TUSC3: variants seen among roughly 807,000 people sequenced by gnomAD.
TUSC3 encodes dolichyl-diphosphooligosaccharide--protein glycosyltransferase subunit TUSC3.
A neutral mutation model predicts 44.8 loss-of-function variants in TUSC3; 45 were observed. That is an observed-to-expected ratio of 1.00 (90% confidence interval 0.79 to 1.29). The LOEUF (loss-of-function observed/expected upper bound fraction) is 1.29. Among genes scored for constraint, TUSC3 ranks in the 50% most tolerant of loss-of-function variants. The pLI, the probability that TUSC3 is intolerant of heterozygous loss-of-function variation, is 0.00. For missense variants in TUSC3, 519 were observed against 437.9 expected (o/e 1.19, Z -1.65); for synonymous variants, 212 against 152.9 (o/e 1.39, Z -2.85).
At chr8:15,825,624 A>G in the TUSC3 span, among the ~76,000 whole-genome samples, 16 of 152,162 alleles carry the variant, frequency 1.1e-4, no homozygotes, top group African/African-American at 2.9e-4. Context: ...TATTAAAGAC[A>G]CTGCTCTTAT....
chr8:15,761,269 G>T (rs1311566721), intron 10 of TUSC3, among the ~76,000 whole-genome samples: 1 of 152,162 alleles, frequency 6.6e-6, no homozygotes, highest in East Asian at 1.9e-4. Context: ...TACCATGAGG[G>T]AGTGCTGAGG....
the TUSC3 span, among the ~76,000 whole-genome samples, chr8:15,808,188 ATCTT>A: frequency 1.3e-5 from 2 of 152,246 alleles, no homozygotes; most frequent in African/African-American, 4.8e-5. Context: ...ATTACCTGCA[ATCTT>A]TAAGCAAACT....
intron 2 of TUSC3, among the ~76,000 whole-genome samples, chr8:15,636,044 G>A (rs1806059119): frequency 6.6e-6 from 1 of 152,206 alleles, no homozygotes; most frequent in African/African-American, 2.4e-5. Flanking sequence ...AGTGGCAACA[G>A]TCAGTACAAA....
intron 6 of TUSC3, among the ~76,000 whole-genome samples, chr8:15,689,863 T>TGTGTGTGTGTGTGTGTGTAA (rs1554475557): frequency 6.8e-5 from 1 of 14,784 alleles, no homozygotes; most frequent in African/African-American, 1.1e-4. Context: ...TGTGTGTGTG[T>TGTGTGTGTGTGTGTGTGTAA]ATAAATATAT....
In TUSC3 at chr8:15,713,410, CAAT is replaced by C. The variant is rs144165161; in HGVS notation, c.799-17253_799-17251del. On this transcript the variant is annotated intron_variant, in intron 6 of 10. Coordinates refer to ENST00000503731, the MANE Select transcript of TUSC3 (RefSeq NM_006765.4). ...CTGTCATTGTTCAAAAGAAAGCTGA[CAAT>C]AAACATAAGGCATTAGTGGCATCGA... 2.6e-3 allele frequency among the ~76,000 whole-genome samples: 394 copies of C among 152,116 alleles called. 5 individuals are homozygous for C. Among genetic ancestry groups the C allele is most frequent in the African/African-American group, 9.2e-3 (380 of 41,498 alleles).
At chr8:15,841,648 G>T in the TUSC3 span, among the ~76,000 whole-genome samples, 1 of 152,000 alleles carries the variant, frequency 6.6e-6, no homozygotes, top group Admixed American at 6.6e-5. Flanking sequence ...TGAGTAGCTA[G>T]GATTACAGGC....
At chr8:15,646,915 TC>T (rs1438531342) in intron 2 of TUSC3, among the ~76,000 whole-genome samples, 2 of 152,188 alleles carry the variant, frequency 1.3e-5, no homozygotes, top group African/African-American at 4.8e-5. Flanking sequence ...TTTTGTTTAT[TC>T]TTTTGTTTAT....
At chr8:15,666,155 A>T (rs1371419280) in intron 5 of TUSC3, among the ~76,000 whole-genome samples, 3 of 151,548 alleles carry the variant, frequency 2.0e-5, no homozygotes, top group Admixed American at 2.0e-4. Context: ...GTAGCACATA[A>T]TGAAGATCTT....
At chr8:15,534,347 T>C (rs1226714417) in intron 2 of TUSC3, among the ~76,000 whole-genome samples, 1 of 152,070 alleles carries the variant, frequency 6.6e-6, no homozygotes, top group Non-Finnish European at 1.5e-5. Flanking sequence ...AAATATCTGA[T>C]AAAAACTTTA....
intron 1 of TUSC3, among the ~76,000 whole-genome samples, chr8:15,469,733 T>C (rs1800459929): frequency 6.6e-6 from 1 of 152,222 alleles, no homozygotes; most frequent in African/African-American, 2.4e-5. Flanking sequence ...TTTCCAATAC[T>C]TGGAAGAACC....
At chr8:15,562,215 T>A (rs1210224193) in intron 1 of TUSC3, among the ~76,000 whole-genome samples, 1 of 152,154 alleles carries the variant, frequency 6.6e-6, no homozygotes, top group East Asian at 1.9e-4. Context: ...CTGTAGTGAT[T>A]TACCAACACT....
the TUSC3 span, among the ~76,000 whole-genome samples, chr8:15,840,924 T>C: frequency 3.9e-5 from 6 of 152,170 alleles, no homozygotes; most frequent in African/African-American, 1.4e-4. Flanking sequence ...GAATTAAGGT[T>C]GAAGTAAAAA....
At chr8:15,653,646 T>C (rs1296131892) in intron 3 of TUSC3, among the ~76,000 whole-genome samples, 1 of 152,316 alleles carries the variant, frequency 6.6e-6, no homozygotes. Context: ...AACAAGAGTT[T>C]TCATTTTAAA....
chr8:15,425,073 A>C (rs190251439), intron 1 of TUSC3, among the ~76,000 whole-genome samples: 15 of 152,296 alleles, frequency 9.8e-5, no homozygotes, highest in African/African-American at 3.6e-4. Context: ...ATGAGATAAA[A>C]ACTGACATCT....
intron 2 of TUSC3, among the ~76,000 whole-genome samples, chr8:15,512,370 C>A (rs192446199): frequency 1.3e-5 from 2 of 152,296 alleles, no homozygotes; most frequent in East Asian, 3.9e-4. Context: ...AGCTGACTGC[C>A]TTTGGGCCAG....
Position 15,445,210 on chromosome 8 carries a change from C to T in TUSC3, n.91+27905C>T, listed in dbSNP as rs373643155. Among the ~76,000 whole-genome samples the T allele has an allele frequency of 4.5e-4, 68 of 152,202 alleles. No homozygotes were observed. In the South Asian group the frequency reaches 0.013, roughly 29 times the overall value. On this transcript the variant is annotated intron_variant and non_coding_transcript_variant, in intron 1 of 5. Coordinates refer to the TUSC3 transcript ENST00000503191. ...GATTAGGGATGACTAAGAATGACAGCCAAGTTTAGGCTATTCAATAGTTTG... is the reference window on the plus strand; with the variant it reads ...GATTAGGGATGACTAAGAATGACAGTCAAGTTTAGGCTATTCAATAGTTTG...
chr8:15,731,685 T>C (rs1472495441), intron 7 of TUSC3, among the ~76,000 whole-genome samples: 1 of 152,202 alleles, frequency 6.6e-6, no homozygotes, highest in East Asian at 1.9e-4. Context: ...TATTATGGTG[T>C]GTGACATATC....
At chr8:15,692,371 C>CCCCCTT (rs1563175839) in intron 6 of TUSC3, among the ~76,000 whole-genome samples, 4 of 18,822 alleles carry the variant, frequency 2.1e-4, no homozygotes, top group Non-Finnish European at 3.1e-4. Context: ...CCCCCCCCCC[C>CCCCCTT]TTTGTTTTTT....
At chr8:15,627,294 C>T (rs1434122440) in intron 2 of TUSC3, among the ~76,000 whole-genome samples, 1 of 152,166 alleles carries the variant, frequency 6.6e-6, no homozygotes, top group African/African-American at 2.4e-5. Context: ...AGGAGGTACC[C>T]TCCCTACTGA....
Sources: allele counts gnomAD v4.1 joint callset (sites outside exome capture counted in the v4.1 genomes callset), GRCh38; gene constraint gnomAD v4.1.1; transcripts MANE v1.5; gene names NCBI Gene and HGNC (gene_info 2026-07-23, HGNC 2026-07-21).